Variants in ATP9B observed in about 807,000 individuals in gnomAD.
ATP9B encodes the protein probable phospholipid-transporting ATPase IIB.
ATP9B carries 110 observed loss-of-function variants against 146.1 expected under a neutral mutation model. The ratio of observed to expected loss-of-function variants is 0.75; its 90% confidence interval spans 0.65 to 0.88. The LOEUF (loss-of-function observed/expected upper bound fraction) is 0.88. Among genes scored for constraint, ATP9B ranks in the 40% least tolerant of loss-of-function variants. The pLI is 0.00. For missense variants in ATP9B, 1,499 were observed against 1,496.4 expected, an observed-to-expected ratio of 1.00 and a Z score of -0.03; for synonymous variants, 604 against 569.7, an observed-to-expected ratio of 1.06 and a Z score of -0.86.
chr18:79,270,175 G>A (rs1341182223), intron 12 of ATP9B, among the ~76,000 whole-genome samples: 1 of 152,150 alleles, frequency 6.6e-6, no homozygotes. Context: ...TAAACTAAAA[G>A]TGCTAGCCTT....
intron 12 of ATP9B, among the ~76,000 whole-genome samples, chr18:79,271,541 A>C (rs1161261329): frequency 4.0e-4 from 56 of 138,974 alleles, no homozygotes; most frequent in South Asian, 7.2e-4. Context: ...TTCCAGCTTC[A>C]TCCATGTCCC....
intron 6 of ATP9B, chr18:79,146,875 T>C (rs1383303964): frequency 6.6e-6 from 1 of 152,418 alleles, no homozygotes; most frequent in Non-Finnish European, 1.5e-5. Context: ...AATAATAAAA[T>C]GCAGACGTAC....
At chr18:79,182,368 T>G (rs919351497) in intron 8 of ATP9B, among the ~76,000 whole-genome samples, 4 of 152,238 alleles carry the variant, frequency 2.6e-5, no homozygotes, top group Admixed American at 2.6e-4. Flanking sequence ...TGGAACACTT[T>G]GCATATTTCT....
intron 5 of ATP9B, among the ~76,000 whole-genome samples, chr18:79,142,733 A>C (rs1335158797): frequency 6.6e-6 from 1 of 152,216 alleles, no homozygotes; most frequent in Non-Finnish European, 1.5e-5. Context: ...GGCTTGTATA[A>C]TTGAGGCATG....
intron 1 of ATP9B, among the ~76,000 whole-genome samples, chr18:79,073,772 A>G (rs1364080637): frequency 1.3e-5 from 2 of 152,058 alleles, no homozygotes; most frequent in African/African-American, 4.8e-5. Context: ...CTGTTATTGT[A>G]TTTCTCAGTT....
At chr18:79,209,655 C>T (rs1332837110) in intron 10 of ATP9B, 3 of 985,256 alleles carry the variant, frequency 3.0e-6, no homozygotes, top group Non-Finnish European at 3.6e-6. Flanking sequence ...ATCTAGCATT[C>T]AGTGTTGTGT....
chr18:79,322,506 G>T (rs2096721861), intron 15 of ATP9B, among the ~76,000 whole-genome samples: 1 of 152,150 alleles, frequency 6.6e-6, no homozygotes, highest in African/African-American at 2.4e-5. Context: ...CCCCAGGCAG[G>T]GGCAGTGGGG....
chr18:79,138,504 C>T (rs2094473608), intron 5 of ATP9B, among the ~76,000 whole-genome samples: 1 of 152,126 alleles, frequency 6.6e-6, no homozygotes, highest in Non-Finnish European at 1.5e-5. Flanking sequence ...AACGATATGC[C>T]TCAAACTCTA....
intron 9 of ATP9B, among the ~76,000 whole-genome samples, chr18:79,197,184 C>T (rs749045606): frequency 3.9e-5 from 6 of 152,098 alleles, no homozygotes; most frequent in East Asian, 1.9e-4. Flanking sequence ...GTGAATGAAA[C>T]GACTTTCTGC....
intron 7 of ATP9B, among the ~76,000 whole-genome samples, chr18:79,156,047 T>A (rs1411765807): frequency 3.3e-5 from 5 of 152,026 alleles, no homozygotes; most frequent in Non-Finnish European, 7.4e-5. Context: ...CAGACGTGAG[T>A]CACTGCACCC....
chr18:79,137,563 G>C (rs1232902240), intron 5 of ATP9B, among the ~76,000 whole-genome samples: 1 of 152,104 alleles, frequency 6.6e-6, no homozygotes, highest in Non-Finnish European at 1.5e-5. Context: ...GGCTCGAAGG[G>C]CACTTTGTAA....
chr18:79,321,294 A>G (rs1251106844), intron 15 of ATP9B, among the ~76,000 whole-genome samples: 1 of 152,182 alleles, frequency 6.6e-6, no homozygotes, highest in Non-Finnish European at 1.5e-5. Context: ...TGAAGTATTG[A>G]GTACTTAGGT....
In ATP9B at chr18:79,342,350, T is replaced by C. The variant is rs749018868; in HGVS notation, c.2366T>C (p.Ile789Thr). 2.7e-5 allele frequency: 43 copies of C among 1,612,416 alleles called. No homozygotes were observed. Among genetic ancestry groups the C allele is most frequent in the Non-Finnish European group, 3.6e-5 (42 of 1,178,658 alleles). Reference sequence around the variant, plus strand: ...CATCTCGTGTCTAGAACACAAGATATTCATATTTTCAGACAGGTAAGTATG... The same window carrying C: ...CATCTCGTGTCTAGAACACAAGATACTCATATTTTCAGACAGGTAAGTATG... The part of the protein sequence containing the change: ...SSHLVSRTQD[I>T]HIFRQVTSRG... The change falls in exon 20 of 30, where the codon ATT becomes ACT. Residue 789 changes from isoleucine to threonine, a missense_variant. Ile to Thr is a moderately conservative substitution (Grantham distance 89). Coordinates refer to ENST00000426216, the MANE Select transcript of ATP9B (RefSeq NM_198531.5).
intron 1 of ATP9B, among the ~76,000 whole-genome samples, chr18:79,075,648 A>G (rs1290821361): frequency 6.6e-6 from 1 of 152,176 alleles, no homozygotes; most frequent in Non-Finnish European, 1.5e-5. Context: ...TAATGTTTGC[A>G]TGGTATATAA....
intron 12 of ATP9B, among the ~76,000 whole-genome samples, chr18:79,261,647 G>A (rs1261724158): frequency 6.6e-6 from 1 of 152,040 alleles, no homozygotes; most frequent in East Asian, 1.9e-4. Flanking sequence ...ATCTAGTGAT[G>A]GCATCTTTAA....
chr18:79,268,494 T>C (rs375867869), intron 12 of ATP9B, among the ~76,000 whole-genome samples: 3 of 152,234 alleles, frequency 2.0e-5, no homozygotes, highest in African/African-American at 7.2e-5. Context: ...AGAAGTTATG[T>C]AAGTGGTTTC....
At position 79,146,050 on chromosome 18, in the gene ATP9B, C is replaced by G. The variant is rs538006515; in HGVS notation, c.726+2190C>G. 94 of 78,694 alleles carry G rather than the reference C, an allele frequency of 1.2e-3. 10 individuals carry two copies. In the African/African-American group the frequency reaches 0.015, roughly 12 times the overall value. The allele number at this position is 78,694 out of a possible 1,614,324, so 4.9% of individuals were successfully genotyped here. A position where few individuals can be genotyped will look rare whatever the true frequency, so the allele number is the denominator to read the frequency against. The stretch of plus-strand genomic sequence containing the variant: ...GCATGTCGGGGGAGCTGGCGGTGTG[C>G]AGAGTGACTGAAGGTGCGGGCTGCA... On this transcript the variant is annotated intron_variant, in intron 6 of 29. Coordinates refer to ENST00000426216, the MANE Select transcript of ATP9B (RefSeq NM_198531.5).
chr18:79,162,117 A>G (rs2094892105), intron 7 of ATP9B, among the ~76,000 whole-genome samples: 2 of 152,232 alleles, frequency 1.3e-5, no homozygotes, highest in Non-Finnish European at 2.9e-5. Context: ...AAAAAATCTG[A>G]TAATACACTG....
intron 15 of ATP9B, among the ~76,000 whole-genome samples, chr18:79,316,908 C>CT (rs1373769310): frequency 2.0e-5 from 3 of 152,136 alleles, no homozygotes; most frequent in African/African-American, 7.2e-5. Context: ...CGAATGTAAA[C>CT]TAAGTTCACA....
Sources: gnomAD v4.1 joint callset for allele counts (sites outside exome capture counted in the v4.1 genomes callset) on GRCh38, gnomAD v4.1.1 for gene constraint, MANE v1.5 for transcripts, NCBI Gene and HGNC (gene_info 2026-07-23, HGNC 2026-07-21) for gene names.